Variants in DAB1 observed in about 807,000 individuals in gnomAD.
DAB1 encodes the protein disabled homolog 1.
In DAB1, 15 loss-of-function variants were observed where a neutral mutation model predicts 64.6. The ratio of observed to expected loss-of-function variants is 0.23; its 90% CI spans 0.16 to 0.36. The LOEUF is 0.36. DAB1 is among the 10% of genes least tolerant of loss of function. DAB1 has a pLI of 1.00. For synonymous variants in DAB1, 235 were observed against 251.9 expected (o/e 0.93, Z 0.64); for missense variants, 596 against 706.7 (o/e 0.84, Z 1.78).
chr1:57,870,929 A>G (rs1643935847), intron 1 of DAB1, among the ~76,000 whole-genome samples: 4 of 152,220 alleles, frequency 2.6e-5, no homozygotes. Flanking sequence ...GAATTTATCA[A>G]TTGCAAAGCA....
At chr1:57,622,187 C>T (rs113784776) in intron 7 of DAB1, among the ~76,000 whole-genome samples, 2 of 152,298 alleles carry the variant, frequency 1.3e-5, no homozygotes, top group African/African-American at 4.8e-5. Flanking sequence ...GTTAACGTTT[C>T]TACCCATTAG....
chr1:58,237,480 A>G (rs1241149017), intron 4 of DAB1, among the ~76,000 whole-genome samples: 1 of 152,144 alleles, frequency 6.6e-6, no homozygotes, highest in Non-Finnish European at 1.5e-5. Context: ...GACCTTCACT[A>G]AAGTTTTGAC....
At chr1:57,437,296 T>C (rs770974594) in intron 7 of DAB1, among the ~76,000 whole-genome samples, 4 of 152,062 alleles carry the variant, frequency 2.6e-5, no homozygotes, top group Non-Finnish European at 4.4e-5. Flanking sequence ...AGGTCACAAC[T>C]CTATACCAGA....
chr1:57,509,216 C>T (rs562531777), intron 7 of DAB1, among the ~76,000 whole-genome samples: 1 of 152,208 alleles, frequency 6.6e-6, no homozygotes, highest in East Asian at 1.9e-4. Context: ...ACATGAAGTG[C>T]CTGGCATAGT....
chr1:57,486,019 G>C (rs566590693), intron 7 of DAB1, among the ~76,000 whole-genome samples: 1 of 152,084 alleles, frequency 6.6e-6, no homozygotes, highest in Non-Finnish European at 1.5e-5. Flanking sequence ...TTCCAGGAAG[G>C]CTTCCCTAAT....
At chr1:58,160,578 C>A (rs1056019483) in intron 4 of DAB1, among the ~76,000 whole-genome samples, 1 of 152,160 alleles carries the variant, frequency 6.6e-6, no homozygotes, top group African/African-American at 2.4e-5. Context: ...CTCACCAGAA[C>A]AAGTTTCCCT....
intron 5 of DAB1, among the ~76,000 whole-genome samples, chr1:58,129,763 C>A (rs551950974): frequency 6.6e-6 from 1 of 151,516 alleles, no homozygotes; most frequent in Non-Finnish European, 1.5e-5. Context: ...TGTAGTTGAG[C>A]GGCTTTGAGT....
At chr1:57,596,699 T>C (rs1156560433) in intron 7 of DAB1, among the ~76,000 whole-genome samples, 1 of 152,170 alleles carries the variant, frequency 6.6e-6, no homozygotes, top group Non-Finnish European at 1.5e-5. Flanking sequence ...TACAACAATA[T>C]TATTATGTTT....
chr1:58,345,503 C>T (rs1016813557), intron 3 of DAB1, among the ~76,000 whole-genome samples: 3 of 152,190 alleles, frequency 2.0e-5, no homozygotes, highest in Non-Finnish European at 4.4e-5. Flanking sequence ...CCCTGGTCTT[C>T]GGGCTTCCCT....
At chr1:57,669,914 G>T (rs1646490866) in intron 6 of DAB1, among the ~76,000 whole-genome samples, 2 of 152,074 alleles carry the variant, frequency 1.3e-5, no homozygotes, top group Admixed American at 6.6e-5. Context: ...GGATTTACTA[G>T]AACTGAAATC....
intron 5 of DAB1, among the ~76,000 whole-genome samples, chr1:57,987,389 A>T (rs1646245078): frequency 6.6e-6 from 1 of 152,130 alleles, no homozygotes; most frequent in African/African-American, 2.4e-5. Flanking sequence ...ACCCACCACG[A>T]TGTTATGAAG....
chr1:57,756,853 T>C (rs1158309936), intron 6 of DAB1, among the ~76,000 whole-genome samples: 2 of 152,138 alleles, frequency 1.3e-5, no homozygotes, highest in African/African-American at 2.4e-5. Context: ...TACCCCCACT[T>C]TCCCTACCAT....
intron 6 of DAB1, 22 bp from the exon 7 acceptor site, chr1:57,071,083 G>C: frequency 6.2e-7 from 1 of 1,608,790 alleles, no homozygotes; most frequent in Non-Finnish European, 8.5e-7. Flanking sequence ...TAAGGAGAGG[G>C]AGGGTGAAAA....
chr1:57,155,019 T>C (rs945971669), intron 2 of DAB1, among the ~76,000 whole-genome samples: 1 of 152,250 alleles, frequency 6.6e-6, no homozygotes, highest in Non-Finnish European at 1.5e-5. Flanking sequence ...AGAAGCTTTT[T>C]AGCTTGATGT....
chr1:58,012,111 T>C (rs556589950), intron 5 of DAB1, among the ~76,000 whole-genome samples: 1 of 152,296 alleles, frequency 6.6e-6, no homozygotes, highest in East Asian at 1.9e-4. Context: ...TCACAAACTG[T>C]TTGTGCTCTC....
intron 4 of DAB1, among the ~76,000 whole-genome samples, chr1:57,086,742 T>C (rs1653127798): frequency 6.6e-6 from 1 of 151,350 alleles, no homozygotes; most frequent in African/African-American, 2.4e-5. Context: ...ACAGTGGTGA[T>C]GGCAATGTGC....
At chr1:57,954,986 G>T (rs1219776106) in intron 5 of DAB1, among the ~76,000 whole-genome samples, 2 of 152,148 alleles carry the variant, frequency 1.3e-5, no homozygotes, top group African/African-American at 2.4e-5. Flanking sequence ...CTTAAACTTG[G>T]TGAGACCATG....
At chr1:57,069,560 A>G (rs1330597411) in intron 7 of DAB1, 135 bp from the exon 8 acceptor site, 10 of 668,994 alleles carry the variant, frequency 1.5e-5, no homozygotes, top group Admixed American at 2.6e-5. Flanking sequence ...TTAAAGACAC[A>G]ACTAAATTAT....
chr1:57,574,728 C>T (rs548930148), intron 7 of DAB1, among the ~76,000 whole-genome samples: 11 of 152,284 alleles, frequency 7.2e-5, no homozygotes, highest in African/African-American at 2.6e-4. Context: ...TCACAAAGTA[C>T]ATGCCAGATC....
Sources: allele counts gnomAD v4.1 joint callset (sites outside exome capture counted in the v4.1 genomes callset), GRCh38; gene constraint gnomAD v4.1.1; transcripts MANE v1.5; gene names NCBI Gene and HGNC (gene_info 2026-07-23, HGNC 2026-07-21).